The following ITGB4 variants were observed in gnomAD, a reference collection of about 807,000 sequenced individuals.
ITGB4 encodes the protein integrin beta-4.
A neutral mutation model predicts 207.6 loss-of-function variants in ITGB4; 159 were observed. The ratio of observed to expected loss-of-function variants is 0.77; its 90% CI spans 0.67 to 0.87. The LOEUF (loss-of-function observed/expected upper bound fraction) is 0.87. Among genes scored for constraint, ITGB4 ranks in the 40% least tolerant of loss-of-function variants. The probability of loss-of-function intolerance (pLI) is 0.00; values close to 1 mark genes in which losing one functional copy is unlikely to be tolerated. For synonymous variants in ITGB4, 1,020 were observed against 1,062.7 expected (o/e 0.96, Z 0.78); for missense variants, 2,278 against 2,546.8 (o/e 0.89, Z 2.27).
chr17:75,737,243 G>C lies in ITGB4; in HGVS notation c.1991-79G>C. The C allele has an allele frequency of 5.2e-6, 8 of 1,534,916 alleles. No individual in the cohort carries two copies. The East Asian group carries it at 1.2e-4, about 23-fold the overall frequency. On this transcript the variant is annotated intron_variant, in intron 16 of 39. Transcript: ENST00000200181. ...GTGGGTGAGGCAGATCGCAGAGTAG[G>C]GGCCCCCTCACCAGACCCTGGGTCC...
intron 34 of ITGB4, 139 bp downstream of exon 34, chr17:75,754,954 G>GTGCACACGCA: frequency 1.6e-6 from 2 of 1,260,860 alleles, no homozygotes; most frequent in East Asian, 5.0e-5. Context: ...ACGCACACAC[G>GTGCACACGCA]TGCACACGCA....
intron 12 of ITGB4, among the ~76,000 whole-genome samples, chr17:75,733,184 C>T (rs1006481622): frequency 1.3e-5 from 2 of 151,816 alleles, no homozygotes; most frequent in Admixed American, 6.6e-5. Flanking sequence ...GTCAGGAGAT[C>T]GAGACCATCC....
Position 75,750,238 on chromosome 17 carries a change from GC to G in ITGB4, c.3449del (p.Pro1150LeufsTer10). The G allele has an allele frequency of 6.2e-7, 1 of 1,613,484 alleles. No individual in the cohort carries two copies. Among genetic ancestry groups the G allele is most frequent in the Non-Finnish European group, 8.5e-7 (1 of 1,179,898 alleles). ...GSRKIHFNWL[P>X]PSGKPMGYRV... ...CCAGGAAGATCCATTTCAACTGGCT[GC>G]CCCCTTCTGGCAAGCCAATGGGGTA... On this transcript the variant is annotated frameshift_variant, in exon 28 of 40. Coordinates refer to ENST00000200181, the MANE Select transcript of ITGB4 (RefSeq NM_000213.5). LOFTEE classifies it high-confidence loss of function. The surrounding 1 kb of genome is among the most constrained non-coding windows in gnomAD (Gnocchi z 5.5).
chr17:75,736,715 T>A, intron 16 of ITGB4, 21 bp downstream of exon 16: 1 of 1,585,588 alleles, frequency 6.3e-7, no homozygotes, highest in South Asian at 1.2e-5. Flanking sequence ...GGGCTGAGGG[T>A]TGGGGTTGCT....
At chr17:75,755,359 C>T in intron 34 of ITGB4, 3 of 902,302 alleles carry the variant, frequency 3.3e-6, no homozygotes, top group East Asian at 5.3e-5. Context: ...AACCACCTGC[C>T]CTACCATCAG....
chr17:75,722,926 T>G lies in ITGB4; in HGVS notation c.-11+1314T>G, dbSNP rs1338298502. Among the ~76,000 whole-genome samples, 3 of 152,194 alleles carry G rather than the reference T, an allele frequency of 2.0e-5. No individual in the cohort carries two copies. Among genetic ancestry groups the G allele is most frequent in the African/African-American group, 4.8e-5 (2 of 41,434 alleles). On this transcript the variant is annotated intron_variant, in intron 1 of 39. Coordinates refer to ENST00000200181, the MANE Select transcript of ITGB4 (RefSeq NM_000213.5). This position sits in a 1 kb window ranked among gnomAD's most constrained non-coding sequence, Gnocchi z 6.2. ...CGGGCCGCCTGGAGAGTAGGTGTCC[T>G]GAGCGCTGGGCCCAGCCCATCGTGA...
Position 75,733,710 on chromosome 17 carries a change from G to A in ITGB4, c.1657+18G>A, listed in dbSNP as rs766462914. On this transcript the variant is annotated intron_variant, in intron 13 of 39. Transcript: ENST00000200181. Reference sequence around the variant, plus strand: ...CTGCAATGGTGAGCACAACAACTGCGGCCAATGCTGATGGCGGGGTAGGGA... The same window carrying A: ...CTGCAATGGTGAGCACAACAACTGCAGCCAATGCTGATGGCGGGGTAGGGA... The A allele has an allele frequency of 1.2e-5, 20 of 1,612,068 alleles. No homozygotes were observed. In the East Asian group the frequency reaches 2.5e-4, roughly 20 times the overall value.
rs566996773 is a variant in ITGB4, at chr17:75,731,443, G to A, written c.1215+75G>A. On this transcript the variant is annotated intron_variant, in intron 10 of 39. Coordinates refer to ENST00000200181, the MANE Select transcript of ITGB4 (RefSeq NM_000213.5). This position sits in a 1 kb window ranked among gnomAD's most constrained non-coding sequence, Gnocchi z 6.8. ...ACCGAGTGGAATCGTTTAAAACAGC[G>A]GTCAAGAGCGTGGCCCCTGGAGTCA... The A allele has an allele frequency of 3.6e-5, 52 of 1,463,604 alleles. No homozygotes were observed. The highest frequency in any genetic ancestry group is 2.4e-4 in the Middle Eastern group (1 of 4,200). 90.7% of individuals were successfully genotyped at this position (1,463,604 alleles called of 1,614,324 possible).
Position 75,732,015 on chromosome 17 carries a change from A to C in ITGB4, c.1377+42A>C, listed in dbSNP as rs1450684840. 5 of 1,613,492 alleles carry C rather than the reference A, an allele frequency of 3.1e-6. No individual in the cohort carries two copies. The African/African-American group carries it at 6.7e-5, about 22-fold the overall frequency. On this transcript the variant is annotated intron_variant, in intron 11 of 39. Coordinates refer to ENST00000200181, the MANE Select transcript of ITGB4 (RefSeq NM_000213.5). The surrounding 1 kb of genome is among the most constrained non-coding windows in gnomAD (Gnocchi z 5.3). ...CAGGGCGGGAGGGGAGAGCTGAGCC[A>C]AGCACCCAGGGACCCTGAGGAATGA...
rs753235397 is a variant in ITGB4 at position 75,741,004 on chromosome 17, A to G, written c.2632A>G (p.Lys878Glu). 13 of 1,613,266 alleles carry G rather than the reference A, an allele frequency of 8.1e-6. No homozygotes were observed. Among genetic ancestry groups the G allele is most frequent in the South Asian group, 5.5e-5 (5 of 91,070 alleles). The change falls in exon 23 of 40, where the codon AAG becomes GAG. Residue 878 changes from lysine (K) to glutamate (E), a missense_variant and splice_region_variant. Physicochemically the swap from Lys to Glu is moderately conservative, Grantham distance 56. Transcript: ENST00000200181. ...CAGGCAGCAGCCCAATGCCGGGAAA[A>G]AGTGAGTAGAAGACTCGTGGGTGAG... is the stretch of plus-strand genomic sequence containing the variant. ...KFRQQPNAGK[K>E]QDHTIVDTVL...
In ITGB4 at chr17:75,732,350, G is replaced by C; in HGVS notation, c.1454+111G>C. 2.8e-6 allele frequency: 3 copies of C among 1,071,874 alleles called. No individual in the cohort carries two copies. In the East Asian group the frequency reaches 7.2e-5, roughly 26 times the overall value. 66.4% of individuals were successfully genotyped at this position (1,071,874 alleles called of 1,614,324 possible). A position where few individuals can be genotyped will look rare whatever the true frequency, so the allele number is the denominator to read the frequency against. On this transcript the variant is annotated intron_variant, in intron 12 of 39. Transcript: ENST00000200181. The surrounding 1 kb of genome is among the most constrained non-coding windows in gnomAD (Gnocchi z 5.3). ...GCACCTTGTACACCTGGCTGGGGGTGGGGCGGCAATCAAAGAAACGGCTAA... is the reference window on the plus strand; with the variant it reads ...GCACCTTGTACACCTGGCTGGGGGTCGGGCGGCAATCAAAGAAACGGCTAA...
rs201235332 is a variant in ITGB4, at chr17:75,728,602, A to AAAG, written c.566+129_566+130insAAG. On this transcript the variant is annotated intron_variant, in intron 6 of 39. Coordinates refer to ENST00000200181, the MANE Select transcript of ITGB4 (RefSeq NM_000213.5). ...GGTGGCTCATGCCTGTAATCCCAGC[A>AAAG]CTTTGGGAGACCAGGGCGGGCAGAT... The AAAG allele has an allele frequency of 3.1e-3, 2,339 of 743,542 alleles. 33 individuals are homozygous for AAAG. The African/African-American group carries it at 0.034, about 11-fold the overall frequency. The allele number at this position is 743,542 out of a possible 1,614,324, so 46.1% of individuals were successfully genotyped here. A position where few individuals can be genotyped will look rare whatever the true frequency, so the allele number is the denominator to read the frequency against.
intron 34 of ITGB4, 34 bp from the exon 35 acceptor site, chr17:75,755,667 G>T: frequency 6.2e-7 from 1 of 1,611,798 alleles, no homozygotes. Context: ...CCTAGCCCCT[G>T]CATCTCTGGC....
rs750925887 is a variant in ITGB4, at chr17:75,740,861, G to A, written c.2609+10G>A. 16 of 1,613,540 alleles carry A rather than the reference G, an allele frequency of 9.9e-6. No individual in the cohort carries two copies. The highest frequency in any genetic ancestry group is 4.0e-5 in the African/African-American group (3 of 74,926). On this transcript the variant is annotated intron_variant, in intron 22 of 39. Transcript: ENST00000200181. This position sits in a 1 kb window ranked among gnomAD's most constrained non-coding sequence, Gnocchi z 5.9. The stretch of plus-strand genomic sequence containing the variant: ...AGCAGACCAAGTTCCGGTGAGTCCC[G>A]GGGTGCCCGGGTTGGGTGGGGGAGC...
chr17:75,738,616 C>A (rs554899325), intron 18 of ITGB4, among the ~76,000 whole-genome samples: 73 of 152,334 alleles, frequency 4.8e-4, no homozygotes, highest in African/African-American at 1.8e-3. Flanking sequence ...GGGTCAGCCA[C>A]GTGCAAAAGG....
intron 13 of ITGB4, among the ~76,000 whole-genome samples, chr17:75,735,752 T>G (rs1286334761): frequency 6.6e-6 from 1 of 152,234 alleles, no homozygotes; most frequent in Admixed American, 6.5e-5. Context: ...TATTTCTTTT[T>G]CTGACCTTAT....
chr17:75,737,390 G>C lies in ITGB4; in HGVS notation c.2059G>C (p.Glu687Gln). 6.4e-7 allele frequency: 1 copy of C among 1,571,396 alleles called. No individual in the cohort carries two copies. The highest frequency in any genetic ancestry group is 1.2e-5 in the South Asian group (1 of 85,684). Residue 687 changes from glutamate (E) to glutamine (Q), a missense_variant, in exon 17 of 40, where the codon GAA becomes CAA. Physicochemically the swap from Glu to Gln is conservative, Grantham distance 29. Coordinates refer to ENST00000200181, the MANE Select transcript of ITGB4 (RefSeq NM_000213.5). ...CGACTGCACCTACAGCTACACCATG[G>C]AAGGTGACGGCGCCCCTGGGCCCAA... Reference protein sequence around the residue: ...DDDCTYSYTMEGDGAPGPNST... With the variant: ...DDDCTYSYTMQGDGAPGPNST...
chr17:75,736,480 G>A, intron 15 of ITGB4, 85 bp from the exon 16 acceptor site: 1 of 1,607,326 alleles, frequency 6.2e-7, no homozygotes, highest in Non-Finnish European at 8.5e-7. Flanking sequence ...ACAGGAGCTG[G>A]CCAAGGGCAA....
chr17:75,737,507 G>A lies in ITGB4; in HGVS notation c.2114-31G>A, dbSNP rs1374204996. 3.9e-6 allele frequency: 6 copies of A among 1,555,314 alleles called. No homozygotes were observed. In the South Asian group the frequency reaches 5.9e-5, roughly 15 times the overall value. On this transcript the variant is annotated intron_variant, in intron 17 of 39. Coordinates refer to ENST00000200181, the MANE Select transcript of ITGB4 (RefSeq NM_000213.5). ...GGCCAGAGCTCGGTGGGGAGGACAGGCACCACCTCCCCCTGCCTCCTCCTC... is the reference window on the plus strand; with the variant it reads ...GGCCAGAGCTCGGTGGGGAGGACAGACACCACCTCCCCCTGCCTCCTCCTC...
Sources: allele counts gnomAD v4.1 joint callset (sites outside exome capture counted in the v4.1 genomes callset), GRCh38; gene constraint gnomAD v4.1.1; non-coding constraint Gnocchi (gnomAD v3.1); transcripts MANE v1.5; gene names NCBI Gene and HGNC (gene_info 2026-07-23, HGNC 2026-07-21).